Variants in P3H4 observed in about 807,000 individuals in gnomAD.
The protein encoded by P3H4 is endoplasmic reticulum protein SC65.
A neutral mutation model predicts 52.9 loss-of-function variants in P3H4; 47 were observed. The observed-to-expected ratio is 0.89, with a 90% CI of 0.70 to 1.13. The LOEUF is 1.13. Among genes scored for constraint, P3H4 ranks in the 50% most tolerant of loss-of-function variants. P3H4 has a pLI of 0.00. For missense variants in P3H4, 585 were observed against 611.0 expected, an observed-to-expected ratio of 0.96 and a Z score of 0.45; for synonymous variants, 256 against 267.9, an observed-to-expected ratio of 0.96 and a Z score of 0.44.
At chr17:41,803,552 TC>T in intron 6 of P3H4, 121 bp from the exon 7 acceptor site, 1 of 837,970 alleles carries the variant, frequency 1.2e-6, no homozygotes, top group Non-Finnish European at 1.8e-6. Context: ...CCCCTCCCCC[TC>T]CCCAGTCTCA....
In P3H4 at chr17:41,802,895, G is replaced by A; in HGVS notation, c.*62C>T. ...AATAGTTCTTGCTGCTGCCCAGGCTGGTGAGGGTGGGGCCATCGGCACCAG... is the reference window on the plus strand; with the variant it reads ...AATAGTTCTTGCTGCTGCCCAGGCTAGTGAGGGTGGGGCCATCGGCACCAG... On this transcript the variant is annotated 3_prime_UTR_variant, in exon 8 of 8. Transcript: ENST00000393928. 1 of 1,538,608 alleles carries A rather than the reference G, an allele frequency of 6.5e-7. No homozygotes were observed. The highest frequency in any genetic ancestry group is 9.0e-7 in the Non-Finnish European group (1 of 1,115,376).
intron 6 of P3H4, 124 bp from the exon 7 acceptor site, chr17:41,803,555 C>G (rs1482307275): frequency 4.7e-6 from 4 of 842,560 alleles, no homozygotes; most frequent in South Asian, 3.5e-5. Context: ...CTCCCCCTCC[C>G]CAGTCTCAAG....
chr17:41,811,149 C>T lies in P3H4; in HGVS notation c.598G>A (p.Glu200Lys), dbSNP rs1555614987. The part of the protein sequence containing the change: ...DVADESLTDL[E>K]AQPYEAVFLR... ...CACCCCACCTCGTAGGGCTGGGCCT[C>T]TAGGTCCGTGAGGGACTCGTCGGCG... Residue 200 changes from glutamate (E) to lysine (K), a missense_variant, in exon 2 of 8, where the codon GAG (glutamate) becomes AAG (lysine). Physicochemically the swap from Glu to Lys is moderately conservative, Grantham distance 56. Transcript: ENST00000393928. The surrounding 1 kb of genome is among the most constrained non-coding windows in gnomAD (Gnocchi z 4.8). The T allele has an allele frequency of 2.5e-6, 4 of 1,614,240 alleles. No homozygotes were observed. Among genetic ancestry groups the T allele is most frequent in the Admixed American group, 1.7e-5 (1 of 60,030 alleles).
At chr17:41,804,109 T>C (rs1555613870) in intron 6 of P3H4, among the ~76,000 whole-genome samples, 1 of 152,056 alleles carries the variant, frequency 6.6e-6, no homozygotes, top group Non-Finnish European at 1.5e-5. Flanking sequence ...ATGCCGCCAC[T>C]CCTGGCTAAT....
chr17:41,805,620 C>A (rs1454164663), intron 6 of P3H4, among the ~76,000 whole-genome samples: 2 of 152,104 alleles, frequency 1.3e-5, no homozygotes, highest in Middle Eastern at 3.2e-3. Context: ...CTACCATACC[C>A]GGCCAGATCT....
intron 7 of P3H4, 92 bp downstream of exon 7, chr17:41,803,195 C>T: frequency 1.3e-6 from 2 of 1,532,460 alleles, no homozygotes; most frequent in Non-Finnish European, 8.8e-7. Context: ...CCCACACACA[C>T]CCTGGGCTCC....
At position 41,811,255 on chromosome 17, in the gene P3H4, C is replaced by T. The variant is rs1555615052; in HGVS notation, c.492G>A (p.Ala164=). ...KANRLEKAVA[A]AYTFLQRNPK... is the part of the protein sequence containing the mutation. ...GGTTCCTCTGGAGGAAGGTGTAGGC[C>T]GCCGCCACCGCCTTCTCCAGCCGGT... Residue 164 remains alanine (A), a synonymous_variant, in exon 2 of 8, where the codon GCG becomes GCA. Transcript: ENST00000393928. This position sits in a 1 kb window ranked among gnomAD's most constrained non-coding sequence, Gnocchi z 4.8. 1.2e-6 allele frequency: 2 copies of T among 1,613,536 alleles called. No individual in the cohort carries two copies. The highest frequency in any genetic ancestry group is 2.2e-5 in the South Asian group (2 of 91,072).
intron 6 of P3H4, among the ~76,000 whole-genome samples, chr17:41,804,387 A>G (rs2047651444): frequency 6.6e-6 from 1 of 151,776 alleles, no homozygotes; most frequent in South Asian, 2.1e-4. Flanking sequence ...GCACTTTGGG[A>G]GGCTGAGGTC....
intron 7 of P3H4, 109 bp downstream of exon 7, chr17:41,803,178 C>A (rs995805547): frequency 1.3e-5 from 19 of 1,498,582 alleles, no homozygotes; most frequent in Non-Finnish European, 1.6e-5. Context: ...GAGGATGGGC[C>A]CCAGCACCCA....
At chr17:41,803,222 A>G in intron 7 of P3H4, 65 bp downstream of exon 7, 1 of 1,561,606 alleles carries the variant, frequency 6.4e-7, no homozygotes, top group Non-Finnish European at 8.7e-7. Flanking sequence ...CAGCGGGTGA[A>G]TGCATCTGTC....
intron 6 of P3H4, among the ~76,000 whole-genome samples, chr17:41,803,926 C>T (rs1555613839): frequency 2.0e-5 from 3 of 150,802 alleles, no homozygotes; most frequent in Middle Eastern, 6.9e-3. Flanking sequence ...AGACTGTGAG[C>T]GGCACGTGAA....
Position 41,803,288 on chromosome 17 carries a change from A to G in P3H4, c.1290T>C (p.Ala430=). The G allele has an allele frequency of 6.2e-7, 1 of 1,613,048 alleles. No homozygotes were observed. The highest frequency in any genetic ancestry group is 8.5e-7 in the Non-Finnish European group (1 of 1,179,514). The change falls in exon 7 of 8, where the codon GCT becomes GCC. Residue 430 remains alanine, a splice_region_variant and synonymous_variant. Coordinates refer to ENST00000393928, the MANE Select transcript of P3H4 (RefSeq NM_006455.3). The part of the protein sequence containing the change: ...EPDAKGDEAE[A]EPEPELA The stretch of plus-strand genomic sequence containing the variant: ...CCCCCAAGGACTCGTGTCACTGACC[A>G]GCCTCGGCCTCGTCACCCTTGGCAT...
At position 41,811,407 on chromosome 17, in the gene P3H4, A is replaced by T; in HGVS notation, c.462+47T>A. ...TCCTTCGACCGATCTGTGGGGAGCCACGACGCCCAGCCCGAGACAGGTCCC... is the reference window on the plus strand; with the variant it reads ...TCCTTCGACCGATCTGTGGGGAGCCTCGACGCCCAGCCCGAGACAGGTCCC... On this transcript the variant is annotated intron_variant, in intron 1 of 7. Coordinates refer to ENST00000393928, the MANE Select transcript of P3H4 (RefSeq NM_006455.3). The surrounding 1 kb of genome is among the most constrained non-coding windows in gnomAD (Gnocchi z 4.8). 6.2e-7 allele frequency: 1 copy of T among 1,608,820 alleles called. No individual in the cohort carries two copies. Among genetic ancestry groups the T allele is most frequent in the South Asian group, 1.1e-5 (1 of 90,896 alleles).
chr17:41,807,932 T>C lies in P3H4; in HGVS notation c.989A>G (p.Gln330Arg). The change falls in exon 5 of 8, where the codon CAG (glutamine) becomes CGG (arginine). Residue 330 changes from glutamine (Q) to arginine (R), a missense_variant. Transcript: ENST00000393928. ...MLFDPKDSVMQQNLVYYRFHR... is the reference protein window; with the variant it reads ...MLFDPKDSVMRQNLVYYRFHR... ...GAACCGGTAATACACCAGGTTCTGC[T>C]GCATGACGCTGTCCTTGGGGTCGAA... 1 of 1,614,218 alleles carries C rather than the reference T, an allele frequency of 6.2e-7. No individual in the cohort carries two copies. Among genetic ancestry groups the C allele is most frequent in the Non-Finnish European group, 8.5e-7 (1 of 1,180,028 alleles).
chr17:41,810,247 C>T (rs2144028310), intron 3 of P3H4, among the ~76,000 whole-genome samples: 1 of 147,252 alleles, frequency 6.8e-6, no homozygotes, highest in South Asian at 2.2e-4. Context: ...GATCTGGGCT[C>T]AATGCAACCT....
Position 41,811,503 on chromosome 17 carries a change from T to A in P3H4, c.413A>T (p.Asp138Val). The A allele has an allele frequency of 6.2e-7, 1 of 1,611,600 alleles. No homozygotes were observed. The highest frequency in any genetic ancestry group is 8.5e-7 in the Non-Finnish European group (1 of 1,179,600). ...CTGGTAGGGCAGGCGGCTCTGGAAG[T>A]CACGCAGCAGCTGCCGCGGCGGGTA... is the stretch of plus-strand genomic sequence containing the variant. ...VPYPPRQLLR[D>V]FQSRLPYQYL... The change falls in exon 1 of 8, where the codon GAC (aspartate) becomes GTC (valine). Residue 138 changes from aspartate (D) to valine (V), a missense_variant. By Grantham distance (152) the Asp-to-Val change is radical. Coordinates refer to ENST00000393928, the MANE Select transcript of P3H4 (RefSeq NM_006455.3). This position sits in a 1 kb window ranked among gnomAD's most constrained non-coding sequence, Gnocchi z 4.8.
chr17:41,810,768 C>G (rs576216103), intron 3 of P3H4, 95 bp downstream of exon 3: 1 of 1,444,466 alleles, frequency 6.9e-7, no homozygotes, highest in African/African-American at 1.4e-5. Flanking sequence ...CTGGCTCCTC[C>G]GCATTCGCAG....
chr17:41,802,911 T>C lies in P3H4; in HGVS notation c.*46A>G. ...GCCCAGGCTGGTGAGGGTGGGGCCA[T>C]CGGCACCAGGCTTCCCAAGCTTGAG... On this transcript the variant is annotated 3_prime_UTR_variant, in exon 8 of 8. Coordinates refer to ENST00000393928, the MANE Select transcript of P3H4 (RefSeq NM_006455.3). 1 of 1,598,670 alleles carries C rather than the reference T, an allele frequency of 6.3e-7. No individual in the cohort carries two copies. Among genetic ancestry groups the C allele is most frequent in the Non-Finnish European group, 8.6e-7 (1 of 1,168,580 alleles).
In P3H4 at chr17:41,810,637, C is replaced by T. The variant is rs75893717; in HGVS notation, c.787+226G>A. ...CCTCTGCCTGGAAGGCCTATGAACC[C>T]AAGCTTCCCAAACCCTTTAGGGATG... On this transcript the variant is annotated intron_variant, in intron 3 of 7. Coordinates refer to ENST00000393928, the MANE Select transcript of P3H4 (RefSeq NM_006455.3). 3.0e-4 allele frequency: 164 copies of T among 540,418 alleles called. 2 individuals are homozygous for T. The highest frequency in any genetic ancestry group is 2.9e-3 in the African/African-American group (153 of 52,500). The allele number at this position is 540,418 out of a possible 1,614,324, so 33.5% of individuals were successfully genotyped here.
Sources: gnomAD v4.1 joint callset for allele counts (sites outside exome capture counted in the v4.1 genomes callset) on GRCh38, gnomAD v4.1.1 for gene constraint, Gnocchi (gnomAD v3.1) non-coding constraint, MANE v1.5 for transcripts, NCBI Gene and HGNC (gene_info 2026-07-23, HGNC 2026-07-21) for gene names.